The following DENND5B variants were observed in gnomAD, a reference collection of about 807,000 sequenced individuals.
DENND5B encodes the protein DENN domain-containing protein 5B.
In DENND5B, 34 loss-of-function variants were observed where a neutral mutation model predicts 140.6. The observed-to-expected ratio is 0.24, with a 90% CI of 0.18 to 0.32. DENND5B has a LOEUF of 0.32. Ranked by LOEUF, DENND5B falls within the 10% of genes least tolerant of loss-of-function variation. DENND5B has a pLI of 1.00. For missense variants in DENND5B, 1,142 were observed against 1,560.2 expected, an observed-to-expected ratio of 0.73 and a Z score of 4.52; for synonymous variants, 551 against 562.1, an observed-to-expected ratio of 0.98 and a Z score of 0.28.
chr12:31,504,043 C>T (rs1478130380), intron 1 of DENND5B, among the ~76,000 whole-genome samples: 1 of 152,158 alleles, frequency 6.6e-6, no homozygotes, highest in African/African-American at 2.4e-5. Context: ...ATCCTTGCCT[C>T]TAGATTACCA....
chr12:31,443,261 G>A (rs188836770), intron 6 of DENND5B, among the ~76,000 whole-genome samples: 118 of 152,262 alleles, frequency 7.7e-4, no homozygotes, highest in African/African-American at 2.3e-3. Flanking sequence ...TTTTAGTAGA[G>A]ATGGCGTTTC....
intron 1 of DENND5B, among the ~76,000 whole-genome samples, chr12:31,525,569 A>G (rs1231045801): frequency 1.3e-5 from 2 of 152,234 alleles, no homozygotes; most frequent in African/African-American, 2.4e-5. Context: ...TGGCTGATGA[A>G]GATGTTCTAA....
rs561877860 is a variant in DENND5B, at chr12:31,445,669, C to T, written c.1861+1869G>A. On this transcript the variant is annotated intron_variant, in intron 6 of 20. Coordinates refer to ENST00000389082, the MANE Select transcript of DENND5B (RefSeq NM_144973.4). ...GCAGTGAGCCGAGATGGCACCACTG[C>T]ACTCCAGCCTGAGTGACAGCGAGAT... 1.2e-3 allele frequency among the ~76,000 whole-genome samples: 187 copies of T among 150,872 alleles called. 1 individual carries two copies. The highest frequency in any genetic ancestry group is 2.2e-3 in the Admixed American group (33 of 15,038).
chr12:31,499,607 T>C (rs1363538568), intron 1 of DENND5B: 1 of 1,493,304 alleles, frequency 6.7e-7, no homozygotes, highest in Admixed American at 2.2e-5. Flanking sequence ...TATTTTTACC[T>C]GAAGTCGTAT....
At position 31,399,729 on chromosome 12, in the gene DENND5B, T is replaced by C; in HGVS notation, c.2993A>G (p.Asp998Gly). The change falls in exon 16 of 21, where the codon GAT becomes GGT. Residue 998 changes from aspartate to glycine, a missense_variant. Asp to Gly is a moderately conservative substitution (Grantham distance 94). Around this residue, in one of 5 missense-constraint regions of DENND5B, gnomAD observed 268 missense variants for 349.2 expected, o/e 0.77. Coordinates refer to ENST00000389082, the MANE Select transcript of DENND5B (RefSeq NM_144973.4). ...CCATTTGGCTAACAGTCCTGAGTTA[T>C]CGTGACCAATCTGAACAGTGGTCAG... ...GKLTTVQIGH[D>G]NSGLLAKWLV... 1 of 1,614,002 alleles carries C rather than the reference T, an allele frequency of 6.2e-7. No individual in the cohort carries two copies. Among genetic ancestry groups the C allele is most frequent in the Non-Finnish European group, 8.5e-7 (1 of 1,179,938 alleles).
At chr12:31,471,490 A>G (rs1036150256) in intron 3 of DENND5B, among the ~76,000 whole-genome samples, 1 of 131,230 alleles carries the variant, frequency 7.6e-6, no homozygotes, top group Non-Finnish European at 1.6e-5. Context: ...TTGTAGAGAC[A>G]GGGTTTCGTG....
At chr12:31,510,397 C>A (rs915309982) in intron 1 of DENND5B, among the ~76,000 whole-genome samples, 1 of 152,302 alleles carries the variant, frequency 6.6e-6, no homozygotes, top group South Asian at 2.1e-4. Flanking sequence ...TTCACTGCAA[C>A]CTTTGCCTCC....
intron 1 of DENND5B, among the ~76,000 whole-genome samples, chr12:31,535,541 C>A (rs551558129): frequency 6.6e-6 from 1 of 152,124 alleles, no homozygotes; most frequent in Non-Finnish European, 1.5e-5. Flanking sequence ...AGGTCTTATC[C>A]GAAACTACCA....
At chr12:31,420,137 A>T in intron 11 of DENND5B, 1 of 886,812 alleles carries the variant, frequency 1.1e-6, no homozygotes, top group Non-Finnish European at 1.4e-6. Flanking sequence ...TATTATTATT[A>T]TTTTTTGGAG....
In DENND5B at chr12:31,413,485, G is replaced by A. The variant is rs1164352656; in HGVS notation, c.2632C>T (p.Leu878Phe). ...AACTGCTTAAGATGCTGGGACAAGAGCTTCTTTTCTAGAGACAGTCTTATC... is the reference window on the plus strand; with the variant it reads ...AACTGCTTAAGATGCTGGGACAAGAACTTCTTTTCTAGAGACAGTCTTATC... ...AWIRLSLEKK[L>F]LSQHLKQLLS... The change falls in exon 13 of 21, where the codon CTC (leucine) becomes TTC (phenylalanine). Residue 878 changes from leucine (L) to phenylalanine (F), a missense_variant. By Grantham distance (22) the Leu-to-Phe change is conservative. Coordinates refer to ENST00000389082, the MANE Select transcript of DENND5B (RefSeq NM_144973.4). 4.3e-6 allele frequency: 7 copies of A among 1,613,676 alleles called. No individual in the cohort carries two copies. The African/African-American group carries it at 9.3e-5, about 22-fold the overall frequency.
intron 6 of DENND5B, among the ~76,000 whole-genome samples, chr12:31,447,131 C>T (rs910719741): frequency 2.0e-5 from 3 of 151,738 alleles, no homozygotes; most frequent in Admixed American, 6.6e-5. Context: ...ATTAGTCAGG[C>T]GTGATGGTGC....
intron 20 of DENND5B, 115 bp from the exon 21 acceptor site, chr12:31,387,901 C>A (rs943417645): frequency 1.8e-6 from 2 of 1,082,308 alleles, no homozygotes; most frequent in Middle Eastern, 6.3e-4. Context: ...CAAAATGTAT[C>A]CAAGCTAAGA....
chr12:31,502,659 A>T (rs1349280112), intron 1 of DENND5B, among the ~76,000 whole-genome samples: 1 of 152,140 alleles, frequency 6.6e-6, no homozygotes, highest in South Asian at 2.1e-4. Flanking sequence ...TGGCCAAGAG[A>T]GCTTGCTATC....
At chr12:31,429,383 T>G (rs1417566080) in intron 8 of DENND5B, among the ~76,000 whole-genome samples, 1 of 152,186 alleles carries the variant, frequency 6.6e-6, no homozygotes. Flanking sequence ...ATAAATGGTC[T>G]GAAGGTTAGT....
intron 17 of DENND5B, among the ~76,000 whole-genome samples, chr12:31,396,876 C>G (rs1045940874): frequency 6.6e-6 from 1 of 152,112 alleles, no homozygotes; most frequent in African/African-American, 2.4e-5. Context: ...CCCACTTCGG[C>G]CTCCCAAAGT....
rs1014378061 is a variant in DENND5B, at chr12:31,499,613, C to T, written c.128-3694G>A. On this transcript the variant is annotated intron_variant, in intron 1 of 20. Coordinates refer to ENST00000389082, the MANE Select transcript of DENND5B (RefSeq NM_144973.4). ...TCTTAATTTTATTTTTACCTGAAGTCGTATTTGCAGCACCTTGGCTCTTGC... is the reference window on the plus strand; with the variant it reads ...TCTTAATTTTATTTTTACCTGAAGTTGTATTTGCAGCACCTTGGCTCTTGC... The T allele has an allele frequency of 4.7e-6, 7 of 1,495,130 alleles. No individual in the cohort carries two copies. The South Asian group carries it at 5.3e-5, about 11-fold the overall frequency. 92.6% of individuals were successfully genotyped at this position (1,495,130 alleles called of 1,614,324 possible).
intron 14 of DENND5B, among the ~76,000 whole-genome samples, chr12:31,404,211 C>T (rs1032760947): frequency 1.3e-5 from 2 of 152,064 alleles, no homozygotes; most frequent in South Asian, 2.1e-4. Flanking sequence ...GGCAACACAG[C>T]GAGACCCTAT....
At chr12:31,410,173 A>C (rs1942376756) in intron 13 of DENND5B, among the ~76,000 whole-genome samples, 1 of 152,184 alleles carries the variant, frequency 6.6e-6, no homozygotes, top group African/African-American at 2.4e-5. Context: ...ACAGTTGGTG[A>C]GACTGAAAAT....
intron 19 of DENND5B, among the ~76,000 whole-genome samples, 197 bp downstream of exon 19, chr12:31,392,070 C>T (rs560406172): frequency 6.7e-5 from 10 of 149,886 alleles, no homozygotes; most frequent in South Asian, 2.1e-4. Flanking sequence ...ACCTGGGAGG[C>T]GGAGGTTACA....
Sources: gnomAD v4.1 joint callset for allele counts (sites outside exome capture counted in the v4.1 genomes callset) on GRCh38, gnomAD v4.1.1 for gene constraint, gnomAD v4.1.1 regional missense constraint, MANE v1.5 for transcripts, NCBI Gene and HGNC (gene_info 2026-07-23, HGNC 2026-07-21) for gene names.